The following SIPA1L3 variants were observed in gnomAD, a reference collection of about 807,000 sequenced individuals.
SIPA1L3 encodes signal induced proliferation associated 1 like 3, also known as signal-induced proliferation-associated 1-like protein 3.
A neutral mutation model predicts 150.1 loss-of-function variants in SIPA1L3; 59 were observed. The ratio of observed to expected loss-of-function variants is 0.39; its 90% CI spans 0.32 to 0.49. The LOEUF is 0.49. Ranked by LOEUF, SIPA1L3 falls within the 20% of genes least tolerant of loss-of-function variation. The pLI is 0.86. For missense variants in SIPA1L3, 2,211 were observed against 2,489.5 expected (o/e 0.89, Z 2.38); for synonymous variants, 1,070 against 1,077.6 (o/e 0.99, Z 0.14).
intron 1 of SIPA1L3, among the ~76,000 whole-genome samples, chr19:37,989,949 C>G (rs981602140): frequency 3.3e-5 from 5 of 152,114 alleles, no homozygotes; most frequent in African/African-American, 4.8e-5. Context: ...CTGAGCCGGG[C>G]CATTGGAGAG....
intron 2 of SIPA1L3, among the ~76,000 whole-genome samples, chr19:38,058,131 C>T (rs1301655476): frequency 2.0e-5 from 3 of 152,160 alleles, no homozygotes; most frequent in Non-Finnish European, 4.4e-5. Context: ...GGCCTGGTGT[C>T]CCCTTCCAGC....
rs1000233175 is a variant in SIPA1L3 at position 38,165,781 on chromosome 19, A to T, written c.4208+875A>T. 9.5e-4 allele frequency among the ~76,000 whole-genome samples: 145 copies of T among 152,090 alleles called. 6 individuals are homozygous for T. Among genetic ancestry groups the T allele is most frequent in the Non-Finnish European group, 7.5e-4 (51 of 68,006 alleles). ...ATTGGTGTTTTTTTGTTTGTTTTTT[A>T]GACGGAGTTTCGTTCTATTCACCAG... On this transcript the variant is annotated intron_variant, in intron 15 of 21. Coordinates refer to ENST00000222345, the MANE Select transcript of SIPA1L3 (RefSeq NM_015073.3).
At chr19:38,058,641 G>T (rs1271416500) in intron 2 of SIPA1L3, among the ~76,000 whole-genome samples, 2 of 152,196 alleles carry the variant, frequency 1.3e-5, no homozygotes, top group Non-Finnish European at 2.9e-5. Flanking sequence ...GAGAGAGAAA[G>T]TGAATCTCAA....
rs780935176 is a variant in SIPA1L3 at position 38,106,452 on chromosome 19, TAAAAAC to T, written c.2030-84_2030-79del. 6 of 890,086 alleles carry T rather than the reference TAAAAAC, an allele frequency of 6.7e-6. No individual in the cohort carries two copies. In the South Asian group the frequency reaches 7.9e-5, roughly 12 times the overall value. The allele number at this position is 890,086 out of a possible 1,614,324, so 55.1% of individuals were successfully genotyped here. Reference sequence around the variant, plus strand: ...GTAGATTGAAGTGAAAGCACCAAGTTAAAAACCAGCACAGATGGTACGTGGGATATG... The same window carrying T: ...GTAGATTGAAGTGAAAGCACCAAGTTCAGCACAGATGGTACGTGGGATATG... On this transcript the variant is annotated intron_variant, in intron 6 of 21. Coordinates refer to ENST00000222345, the MANE Select transcript of SIPA1L3 (RefSeq NM_015073.3).
At chr19:38,016,877 C>T (rs368031109) in intron 1 of SIPA1L3, among the ~76,000 whole-genome samples, 1 of 147,206 alleles carries the variant, frequency 6.8e-6, no homozygotes, top group African/African-American at 2.5e-5. Flanking sequence ...CTTTTTCTGC[C>T]TCCTCTGGCT....
chr19:38,151,157 G>C (rs1170352604), intron 12 of SIPA1L3, among the ~76,000 whole-genome samples: 2 of 152,218 alleles, frequency 1.3e-5, no homozygotes, highest in African/African-American at 4.8e-5. Context: ...GGAGGGCAAA[G>C]AGAGGCCATC....
At chr19:37,921,356 TCTC>T (rs2046456167) in intron 1 of SIPA1L3, among the ~76,000 whole-genome samples, 1 of 152,156 alleles carries the variant, frequency 6.6e-6, no homozygotes, top group Admixed American at 6.6e-5. Flanking sequence ...TTTGGGGGCT[TCTC>T]CTGATGGTGT....
In SIPA1L3 at chr19:37,959,738, C is replaced by T. The variant is rs904682541; in HGVS notation, c.-379+52380C>T. Among the ~76,000 whole-genome samples, 4 of 150,798 alleles carry T rather than the reference C, an allele frequency of 2.7e-5. 1 individual carries two copies. The highest frequency in any genetic ancestry group is 5.9e-5 in the Non-Finnish European group (4 of 67,778). On this transcript the variant is annotated intron_variant, in intron 1 of 21. Coordinates refer to ENST00000222345, the MANE Select transcript of SIPA1L3 (RefSeq NM_015073.3). ...TCACATCTTTTTTCCTCCTTTTATTCTCCCTTTATTGCCGTCTTTCTGATA... is the reference window on the plus strand; with the variant it reads ...TCACATCTTTTTTCCTCCTTTTATTTTCCCTTTATTGCCGTCTTTCTGATA...
At chr19:38,067,326 C>G (rs1969618691) in intron 2 of SIPA1L3, among the ~76,000 whole-genome samples, 1 of 152,200 alleles carries the variant, frequency 6.6e-6, no homozygotes, top group Non-Finnish European at 1.5e-5. Context: ...ACAGGTCATG[C>G]AGGAACCCTG....
At position 38,164,114 on chromosome 19, in the gene SIPA1L3, C is replaced by G. The variant is rs540124154; in HGVS notation, c.3781-365C>G. Among the ~76,000 whole-genome samples the G allele has an allele frequency of 6.6e-6, 1 of 152,236 alleles. No individual in the cohort carries two copies. The highest frequency in any genetic ancestry group is 1.9e-4 in the East Asian group (1 of 5,180). On this transcript the variant is annotated intron_variant, in intron 14 of 21. Coordinates refer to ENST00000222345, the MANE Select transcript of SIPA1L3 (RefSeq NM_015073.3). This position sits in a 1 kb window ranked among gnomAD's most constrained non-coding sequence, Gnocchi z 4.1. The stretch of plus-strand genomic sequence containing the variant: ...AGCAAAAGCGGGGTCAAGGTGAGTC[C>G]ACGGCTCTTGGCAGGGGCAGCTGAA...
At chr19:38,112,161 A>C (rs890619956) in intron 8 of SIPA1L3, among the ~76,000 whole-genome samples, 1 of 149,936 alleles carries the variant, frequency 6.7e-6, no homozygotes, top group East Asian at 2.0e-4. Context: ...ACATGCATCC[A>C]CACACATGCA....
chr19:37,921,493 G>T lies in SIPA1L3; in HGVS notation c.-379+14135G>T, dbSNP rs545129787. On this transcript the variant is annotated intron_variant, in intron 1 of 21. Coordinates refer to ENST00000222345, the MANE Select transcript of SIPA1L3 (RefSeq NM_015073.3). The stretch of plus-strand genomic sequence containing the variant: ...TTCCTCTGGTGCCCCGTTTTTCTAT[G>T]CTGTGCTGTTGGTTTGCAGGGAGGA... 3.6e-4 allele frequency among the ~76,000 whole-genome samples: 55 copies of T among 152,222 alleles called. 2 individuals carry two copies. The South Asian group carries it at 0.011, about 30-fold the overall frequency.
Position 38,130,667 on chromosome 19 carries a change from T to C in SIPA1L3, c.3038T>C (p.Val1013Ala), listed in dbSNP as rs1233970194. The C allele has an allele frequency of 6.2e-6, 10 of 1,613,830 alleles. No individual in the cohort carries two copies. The highest frequency in any genetic ancestry group is 8.5e-6 in the Non-Finnish European group (10 of 1,180,038). Residue 1013 changes from valine to alanine, a missense_variant, in exon 10 of 22, where the codon GTG becomes GCG. Coordinates refer to ENST00000222345, the MANE Select transcript of SIPA1L3 (RefSeq NM_015073.3). ...QGSRLVEICK[V>A]AVVTLTHDQM... ...AGCCGACTAGTGGAGATCTGCAAGG[T>C]GGCCGTGGTCACACTGACCCACGAC...
chr19:38,101,858 C>T (rs986645742), intron 6 of SIPA1L3, among the ~76,000 whole-genome samples: 9 of 152,158 alleles, frequency 5.9e-5, no homozygotes, highest in African/African-American at 2.2e-4. Context: ...CCCTAACCAC[C>T]GGCACCTCGG....
chr19:38,011,846 G>A (rs1361762584), intron 1 of SIPA1L3, among the ~76,000 whole-genome samples: 1 of 152,002 alleles, frequency 6.6e-6, no homozygotes, highest in East Asian at 1.9e-4. Flanking sequence ...GAAGTTGTTA[G>A]GATGAAAGAT....
intron 6 of SIPA1L3, among the ~76,000 whole-genome samples, chr19:38,106,067 G>A (rs987694608): frequency 2.6e-5 from 4 of 151,764 alleles, no homozygotes; most frequent in Non-Finnish European, 4.4e-5. Flanking sequence ...AGTCTGGTGG[G>A]TACATAGCAA....
At chr19:38,103,090 T>G (rs1970543554) in intron 6 of SIPA1L3, among the ~76,000 whole-genome samples, 1 of 149,006 alleles carries the variant, frequency 6.7e-6, no homozygotes, top group African/African-American at 2.5e-5. Flanking sequence ...ACCATTGCAC[T>G]CCAGCCTGGG....
chr19:37,932,485 G>C (rs540237143), intron 1 of SIPA1L3: 3 of 152,338 alleles, frequency 2.0e-5, no homozygotes, highest in African/African-American at 7.2e-5. Context: ...TGAATAAGTC[G>C]CTGTTAGGAG....
rs1973266346 is a variant in SIPA1L3, at chr19:38,208,048, T to C, written c.*1808T>C. ...TCGGGTCCCTTTTTTTTTTTTTTTT[T>C]CAGTTGTCTCCTCCCATCTTCAGAT... On this transcript the variant is annotated 3_prime_UTR_variant, in exon 22 of 22. Transcript: ENST00000222345. The C allele has an allele frequency of 6.7e-6, 1 of 149,592 alleles. No individual in the cohort carries two copies. Among genetic ancestry groups the C allele is most frequent in the African/African-American group, 2.5e-5 (1 of 40,166 alleles). The allele number at this position is 149,592 out of a possible 1,614,324, so 9.3% of individuals were successfully genotyped here. A position where few individuals can be genotyped will look rare whatever the true frequency, so the allele number is the denominator to read the frequency against.
Sources: allele counts gnomAD v4.1 joint callset (sites outside exome capture counted in the v4.1 genomes callset), GRCh38; gene constraint gnomAD v4.1.1; non-coding constraint Gnocchi (gnomAD v3.1); transcripts MANE v1.5; gene names NCBI Gene and HGNC (gene_info 2026-07-23, HGNC 2026-07-21).